Variants in CDH3 observed in about 807,000 individuals in gnomAD.
The protein encoded by CDH3 is cadherin 3.
CDH3 carries 54 observed loss-of-function variants against 82.0 expected under a neutral mutation model. The ratio of observed to expected loss-of-function variants is 0.66; its 90% CI spans 0.53 to 0.83. The LOEUF (loss-of-function observed/expected upper bound fraction) is 0.83, where lower values mean the gene tolerates loss of function less well. Ranked by LOEUF, CDH3 falls within the 40% of genes least tolerant of loss-of-function variation. The pLI is 0.00. For missense variants in CDH3, 1,054 were observed against 1,084.6 expected (o/e 0.97, Z 0.40); for synonymous variants, 446 against 437.9 (o/e 1.02, Z -0.23).
At chr16:68,712,037 CTTTTTTTT>C (rs58452743) in intron 1 of CDH3, among the ~76,000 whole-genome samples, 21 of 119,416 alleles carry the variant, frequency 1.8e-4, no homozygotes, top group African/African-American at 5.7e-4. Context: ...TTTTTGTTTT[CTTTTTTTT>C]TTTTTTTTTT....
chr16:68,697,025 C>CA (rs35368084), intron 15 of CDH3: 40,235 of 139,124 alleles, frequency 0.29, 5,751 homozygotes, highest in African/African-American at 0.33. Context: ...GACTCCATCT[C>CA]AAAAAAAAAA....
At chr16:68,671,110 T>C (rs1332303370) in intron 2 of CDH3, among the ~76,000 whole-genome samples, 2 of 151,004 alleles carry the variant, frequency 1.3e-5, no homozygotes, top group African/African-American at 4.9e-5. Context: ...ATAAATATTA[T>C]CTATTAATAG....
intron 9 of CDH3, among the ~76,000 whole-genome samples, chr16:68,683,164 G>T (rs1961278248): frequency 6.6e-6 from 1 of 152,146 alleles, no homozygotes; most frequent in South Asian, 2.1e-4. Context: ...GAATGGTGTG[G>T]TTTGAGAAGC....
At chr16:68,718,922 A>C (rs537480174) in intron 1 of CDH3, among the ~76,000 whole-genome samples, 6 of 152,256 alleles carry the variant, frequency 3.9e-5, no homozygotes, top group Admixed American at 3.9e-4. Context: ...TGGTGTAGCT[A>C]TACAATAATG....
At chr16:68,660,288 A>T (rs890762555) in intron 2 of CDH3, among the ~76,000 whole-genome samples, 22 of 152,198 alleles carry the variant, frequency 1.4e-4, no homozygotes, top group Non-Finnish European at 2.1e-4. Flanking sequence ...TTGTTTTATG[A>T]CTATCTAAAT....
rs1960046990 is a variant in CDH3, at chr16:68,645,963, C to T, written c.160+213C>T. The stretch of plus-strand genomic sequence containing the variant: ...CGCCTATGACATCCAGCCCCTTGTC[C>T]GGTAGCCACTGCTTACCTTGACCCC... On this transcript the variant is annotated intron_variant, in intron 2 of 15. Transcript: ENST00000264012. 8.6e-6 allele frequency: 5 copies of T among 579,566 alleles called. No homozygotes were observed. The Admixed American group carries it at 9.1e-5, about 11-fold the overall frequency. 35.9% of individuals were successfully genotyped at this position (579,566 alleles called of 1,614,324 possible).
chr16:68,651,307 C>G (rs548458670), intron 2 of CDH3: 1 of 550,292 alleles, frequency 1.8e-6, no homozygotes. Flanking sequence ...GCCCATGTGG[C>G]TGGCGCACTT....
chr16:68,678,904 C>T lies in CDH3; in HGVS notation c.689C>T (p.Pro230Leu). The T allele has an allele frequency of 6.2e-7, 1 of 1,613,494 alleles. No homozygotes were observed. Among genetic ancestry groups the T allele is most frequent in the South Asian group, 1.1e-5 (1 of 91,074 alleles). Residue 230 changes from proline to leucine, a missense_variant and splice_region_variant, in exon 6 of 16, where the codon CCA becomes CTA. Transcript: ENST00000264012. ...FRGSVLEGVL[P>L]GTSVMQVTAT... ...GGGAGTGTCTTAGAGGGAGTCCTAC[C>T]AGGTAAGAGGACTGGGAAGGGGACT...
At chr16:68,677,519 C>A (rs1961064758) in intron 3 of CDH3, among the ~76,000 whole-genome samples, 1 of 152,304 alleles carries the variant, frequency 6.6e-6, no homozygotes, top group South Asian at 2.1e-4. Flanking sequence ...GGGTGGCTTG[C>A]TTGAGGTCAG....
At chr16:68,685,026 C>A (rs1567451980) in intron 10 of CDH3, among the ~76,000 whole-genome samples, 179 bp from the exon 11 acceptor site, 4 of 152,146 alleles carry the variant, frequency 2.6e-5, no homozygotes, top group Non-Finnish European at 1.5e-5. Flanking sequence ...TGTCATGTAT[C>A]CCTCCTGGGA....
At chr16:68,690,247 A>G (rs979263159) in intron 12 of CDH3, among the ~76,000 whole-genome samples, 1 of 152,240 alleles carries the variant, frequency 6.6e-6, no homozygotes, top group African/African-American at 2.4e-5. Context: ...TAATGCTGTG[A>G]TAACACAGGT....
Position 68,695,907 on chromosome 16 carries a change from G to A in CDH3, c.2264G>A (p.Gly755Asp). The A allele has an allele frequency of 6.2e-7, 1 of 1,614,096 alleles. No homozygotes were observed. Among genetic ancestry groups the A allele is most frequent in the Non-Finnish European group, 8.5e-7 (1 of 1,180,026 alleles). The change falls in exon 15 of 16, where the codon GGC becomes GAC. Residue 755 changes from glycine to aspartate, a missense_variant. By Grantham distance (94) the Gly-to-Asp change is moderately conservative. Coordinates refer to ENST00000264012, the MANE Select transcript of CDH3 (RefSeq NM_001793.6). ...RPRPANPDEI[G>D]NFIIENLKAA... ...CGGCCAGCCAACCCAGATGAAATCG[G>A]CAACTTTATAATTGAGGTGAGGCGT... is the stretch of plus-strand genomic sequence containing the variant.
chr16:68,687,808 C>CTGCACACG (rs1273816103), intron 12 of CDH3, 72 bp downstream of exon 12: 1 of 1,044,536 alleles, frequency 9.6e-7, no homozygotes, highest in Non-Finnish European at 1.5e-6. Flanking sequence ...CACCAGGATT[C>CTGCACACG]TGCACACGTT....
At chr16:68,695,634 A>T in intron 14 of CDH3, 143 bp from the exon 15 acceptor site, 2 of 1,063,734 alleles carry the variant, frequency 1.9e-6, no homozygotes. Context: ...AGGGTTTTCC[A>T]AAATCTGTGA....
intron 15 of CDH3, chr16:68,696,280 A>G (rs1961719658): frequency 2.9e-6 from 1 of 348,036 alleles, no homozygotes; most frequent in Non-Finnish European, 5.7e-6. Context: ...TTAGCCAGGC[A>G]TGGTGGCGGG....
chr16:68,675,596 A>G lies in CDH3; in HGVS notation c.161-789A>G, dbSNP rs571715501. ...TGGATCACAAGGTCAGGAGTTCAAG[A>G]CCAGCCTGGCCAACATGGGGAAACC... On this transcript the variant is annotated intron_variant, in intron 2 of 15. Coordinates refer to ENST00000264012, the MANE Select transcript of CDH3 (RefSeq NM_001793.6). Among the ~76,000 whole-genome samples the G allele has an allele frequency of 3.3e-5, 5 of 152,264 alleles. No individual in the cohort carries two copies. In the East Asian group the frequency reaches 9.6e-4, roughly 29 times the overall value.
downstream of CDH3, among the ~76,000 whole-genome samples, chr16:68,703,481 G>A (rs1180120319): frequency 1.3e-5 from 2 of 152,212 alleles, no homozygotes; most frequent in African/African-American, 4.8e-5. Context: ...CCAGTTCGAA[G>A]CTTGCTGGAG....
downstream of CDH3, among the ~76,000 whole-genome samples, chr16:68,702,875 A>G (rs751503473): frequency 2.0e-4 from 31 of 152,088 alleles, no homozygotes; most frequent in Non-Finnish European, 4.1e-4. Context: ...AAAAAAAAAA[A>G]GTGGAGGCTT....
chr16:68,720,678 C>T (rs922589218), intron 1 of CDH3, among the ~76,000 whole-genome samples: 3 of 150,896 alleles, frequency 2.0e-5, no homozygotes, highest in African/African-American at 2.4e-5. Flanking sequence ...TGCAGTGGCA[C>T]GATCTCAGTT....
Sources: gnomAD v4.1 joint callset for allele counts (sites outside exome capture counted in the v4.1 genomes callset) on GRCh38, gnomAD v4.1.1 for gene constraint, MANE v1.5 for transcripts, NCBI Gene and HGNC (gene_info 2026-07-23, HGNC 2026-07-21) for gene names.